SLC25A23: variants seen among roughly 807,000 people sequenced by gnomAD.
SLC25A23 encodes the protein solute carrier family 25 member 23, also known as mitochondrial adenyl nucleotide antiporter SLC25A23.
In SLC25A23, 32 loss-of-function variants were observed where a neutral mutation model predicts 53.9. The ratio of observed to expected loss-of-function variants is 0.59; its 90% CI spans 0.45 to 0.80. The LOEUF is 0.80. Among genes scored for constraint, SLC25A23 ranks in the 30% least tolerant of loss-of-function variants. The probability of loss-of-function intolerance (pLI) is 0.00; values close to 1 mark genes in which losing one functional copy is unlikely to be tolerated. For synonymous variants in SLC25A23, 275 were observed against 264.5 expected (o/e 1.04, Z -0.38); for missense variants, 575 against 651.4 (o/e 0.88, Z 1.28).
At chr19:6,448,227 C>T (rs1483718266) in intron 8 of SLC25A23, among the ~76,000 whole-genome samples, 2 of 152,130 alleles carry the variant, frequency 1.3e-5, no homozygotes, top group African/African-American at 2.4e-5. Context: ...GAAATTGCTG[C>T]CTGAAACTGG....
At chr19:6,445,627 A>G (rs1376010788) in intron 8 of SLC25A23, among the ~76,000 whole-genome samples, 1 of 152,178 alleles carries the variant, frequency 6.6e-6, no homozygotes, top group African/African-American at 2.4e-5. Flanking sequence ...GATTTTATAA[A>G]GCCCAGTAAG....
Position 6,459,610 on chromosome 19 carries a change from C to G in SLC25A23, c.19G>C (p.Asp7His), listed in dbSNP as rs2092733400. 10 of 1,524,708 alleles carry G rather than the reference C, an allele frequency of 6.6e-6. No individual in the cohort carries two copies. Among genetic ancestry groups the G allele is most frequent in the Non-Finnish European group, 8.8e-6 (10 of 1,142,272 alleles). The allele number at this position is 1,524,708 out of a possible 1,614,324, so 94.4% of individuals were successfully genotyped here. A position where few individuals can be genotyped will look rare whatever the true frequency, so the allele number is the denominator to read the frequency against. MRGSPG[D>H]AERRQRWGRL... ...CCCCAGCGCTGCCGCCGCTCCGCGT[C>G]GCCCGGGCTCCCCCGCATGGCGCCC... The change falls in exon 1 of 10, where the codon GAC (aspartate) becomes CAC (histidine). Residue 7 changes from aspartate to histidine, a missense_variant. Coordinates refer to ENST00000301454, the MANE Select transcript of SLC25A23 (RefSeq NM_024103.3). This position sits in a 1 kb window ranked among gnomAD's most constrained non-coding sequence, Gnocchi z 4.6.
rs899600613 is a variant in SLC25A23 at position 6,458,090 on chromosome 19, C to T, written c.283+108G>A. ...TAGCCTATGAGTCATCGGGGAGAAG[C>T]GGCCCTCCCCCTCTCCTCCTAGCGC... On this transcript the variant is annotated intron_variant, in intron 2 of 9. Coordinates refer to ENST00000301454, the MANE Select transcript of SLC25A23 (RefSeq NM_024103.3). 10 of 1,378,536 alleles carry T rather than the reference C, an allele frequency of 7.3e-6. No homozygotes were observed. The African/African-American group carries it at 8.6e-5, about 12-fold the overall frequency. 85.4% of individuals were successfully genotyped at this position (1,378,536 alleles called of 1,614,324 possible).
chr19:6,459,754 G>C lies in SLC25A23; in HGVS notation c.-126C>G. The C allele has an allele frequency of 1.3e-6, 1 of 790,900 alleles. No homozygotes were observed. The allele number at this position is 790,900 out of a possible 1,614,324, so 49.0% of individuals were successfully genotyped here. ...CGGCCGCCGGCTCCGCAGCCTCCGC[G>C]CAGTCCGCTCGGCTCTGGCACTTGC... On this transcript the variant is annotated 5_prime_UTR_variant, in exon 1 of 10. Coordinates refer to ENST00000301454, the MANE Select transcript of SLC25A23 (RefSeq NM_024103.3). This position sits in a 1 kb window ranked among gnomAD's most constrained non-coding sequence, Gnocchi z 4.6.
chr19:6,454,315 G>C lies in SLC25A23; in HGVS notation c.795+8C>G, dbSNP rs1296939499. 6.2e-7 allele frequency: 1 copy of C among 1,612,176 alleles called. No homozygotes were observed. Among genetic ancestry groups the C allele is most frequent in the Non-Finnish European group, 8.5e-7 (1 of 1,178,928 alleles). On this transcript the variant is annotated splice_region_variant and intron_variant, in intron 6 of 9. Transcript: ENST00000301454. This position sits in a 1 kb window ranked among gnomAD's most constrained non-coding sequence, Gnocchi z 4.3. ...GGCAAGCACATTCCTCCCTGTACCT[G>C]CCCTCACCTGTTCATAGGCCATGAA...
rs376917916 is a variant in SLC25A23 at position 6,456,549 on chromosome 19, G to A, written c.372-18C>T. 6 of 1,606,026 alleles carry A rather than the reference G, an allele frequency of 3.7e-6. No homozygotes were observed. The highest frequency in any genetic ancestry group is 2.2e-5 in the South Asian group (2 of 90,890). ...GGTCCATGCTGGGGGGAAGAAAGGGGGTGGAGGAGGACAGGTTCAGTGCCT... is the reference window on the plus strand; with the variant it reads ...GGTCCATGCTGGGGGGAAGAAAGGGAGTGGAGGAGGACAGGTTCAGTGCCT... On this transcript the variant is annotated intron_variant, in intron 3 of 9. Transcript: ENST00000301454.
At chr19:6,437,165 G>A (rs901980039), downstream of SLC25A23, among the ~76,000 whole-genome samples, 1 of 151,932 alleles carries the variant, frequency 6.6e-6, no homozygotes, top group Non-Finnish European at 1.5e-5. Flanking sequence ...ATGCCATCAT[G>A]CCCAGCTAAT....
chr19:6,458,341 G>A lies in SLC25A23; in HGVS notation c.157-17C>T. The A allele has an allele frequency of 6.2e-7, 1 of 1,609,566 alleles. No individual in the cohort carries two copies. The highest frequency in any genetic ancestry group is 8.5e-7 in the Non-Finnish European group (1 of 1,178,568). On this transcript the variant is annotated splice_polypyrimidine_tract_variant and intron_variant, in intron 1 of 9. Coordinates refer to ENST00000301454, the MANE Select transcript of SLC25A23 (RefSeq NM_024103.3). ...GGAGATACCCTGACAGAGGGAAAGG[G>A]GATAGAGGTGGCTCCAGGAACCTGC...
chr19:6,443,459 CT>C (rs1291506843), intron 9 of SLC25A23: 2 of 581,878 alleles, frequency 3.4e-6, no homozygotes, highest in Non-Finnish European at 6.1e-6. Flanking sequence ...AACTCCTGGA[CT>C]CAAATGATCC....
chr19:6,453,972 C>T lies in SLC25A23; in HGVS notation c.903+9G>A. 6.2e-7 allele frequency: 1 copy of T among 1,607,838 alleles called. No individual in the cohort carries two copies. The highest frequency in any genetic ancestry group is 1.7e-4 in the Middle Eastern group (1 of 6,040). On this transcript the variant is annotated intron_variant, in intron 7 of 9. Transcript: ENST00000301454. Reference sequence around the variant, plus strand: ...CCATGGGGCCTCCGCTGGGGTCCCTCCTTCTCACCTCCATAGGGTAAATGA... The same window carrying T: ...CCATGGGGCCTCCGCTGGGGTCCCTTCTTCTCACCTCCATAGGGTAAATGA...
Position 6,457,581 on chromosome 19 carries a change from T to G in SLC25A23, c.293A>C (p.Asp98Ala). The G allele has an allele frequency of 6.2e-7, 1 of 1,613,776 alleles. No homozygotes were observed. Among genetic ancestry groups the G allele is most frequent in the Non-Finnish European group, 8.5e-7 (1 of 1,179,964 alleles). Residue 98 changes from aspartate to alanine, a missense_variant, in exon 3 of 10, where the codon GAT becomes GCT. Asp to Ala is a moderately radical substitution (Grantham distance 126, BLOSUM62 -2). Coordinates refer to ENST00000301454, the MANE Select transcript of SLC25A23 (RefSeq NM_024103.3). ...SLDRNQDGHIDVSEIQQSFRA... is the reference protein window; with the variant it reads ...SLDRNQDGHIAVSEIQQSFRA... Reference sequence around the variant, plus strand: ...GAAACTCTGTTGGATCTCAGAGACATCAATGTGACCTGGGGAGGGGGCCGG... The same window carrying G: ...GAAACTCTGTTGGATCTCAGAGACAGCAATGTGACCTGGGGAGGGGGCCGG...
intron 2 of SLC25A23, among the ~76,000 whole-genome samples, 159 bp from the exon 3 acceptor site, chr19:6,457,749 CT>C (rs2092701449): frequency 6.6e-6 from 1 of 151,854 alleles, no homozygotes; most frequent in South Asian, 2.1e-4. Context: ...GGGGGGACCC[CT>C]GACTCACTGG....
chr19:6,459,412 G>A lies in SLC25A23; in HGVS notation c.156+61C>T, dbSNP rs889029879. ...GTGGCTCCGGCCGCCCAGTTCAGGG[G>A]CTTGGGTAACCGGGAGCGGGCGGGG... On this transcript the variant is annotated intron_variant, in intron 1 of 9. Coordinates refer to ENST00000301454, the MANE Select transcript of SLC25A23 (RefSeq NM_024103.3). The surrounding 1 kb of genome is among the most constrained non-coding windows in gnomAD (Gnocchi z 4.6). The A allele has an allele frequency of 5.1e-5, 75 of 1,460,258 alleles. No homozygotes were observed. Among genetic ancestry groups the A allele is most frequent in the Non-Finnish European group, 6.8e-5 (75 of 1,098,122 alleles). The allele number at this position is 1,460,258 out of a possible 1,614,324, so 90.5% of individuals were successfully genotyped here.
chr19:6,448,409 T>C (rs2092537703), intron 8 of SLC25A23, among the ~76,000 whole-genome samples: 1 of 152,066 alleles, frequency 6.6e-6, no homozygotes, highest in Admixed American at 6.6e-5. Context: ...ATTATTAAGA[T>C]CAATCTGTTG....
At chr19:6,437,784 A>G (rs1473883573), downstream of SLC25A23, among the ~76,000 whole-genome samples, 3 of 145,600 alleles carry the variant, frequency 2.1e-5, no homozygotes, top group South Asian at 2.2e-4. Flanking sequence ...ACTCCAGCCT[A>G]GGCGACAGAG....
chr19:6,444,087 T>C, intron 9 of SLC25A23, 64 bp downstream of exon 9: 2 of 1,454,836 alleles, frequency 1.4e-6, no homozygotes, highest in Non-Finnish European at 1.8e-6. Flanking sequence ...AGGGCTCTAC[T>C]TGGGAGAAGC....
chr19:6,454,187 G>T lies in SLC25A23; in HGVS notation c.796-99C>A. 1 of 1,508,942 alleles carries T rather than the reference G, an allele frequency of 6.6e-7. No homozygotes were observed. Among genetic ancestry groups the T allele is most frequent in the Non-Finnish European group, 9.0e-7 (1 of 1,111,238 alleles). The allele number at this position is 1,508,942 out of a possible 1,614,324, so 93.5% of individuals were successfully genotyped here. On this transcript the variant is annotated intron_variant, in intron 6 of 9. Coordinates refer to ENST00000301454, the MANE Select transcript of SLC25A23 (RefSeq NM_024103.3). The surrounding 1 kb of genome is among the most constrained non-coding windows in gnomAD (Gnocchi z 4.3). ...CTTCCAAAGAACTGGCTTGCTGCAGGCATTCATGCAGAGGAGCAGATGCCT... is the reference window on the plus strand; with the variant it reads ...CTTCCAAAGAACTGGCTTGCTGCAGTCATTCATGCAGAGGAGCAGATGCCT...
At chr19:6,443,548 C>T (rs1305458644) in intron 9 of SLC25A23, 1 of 701,866 alleles carries the variant, frequency 1.4e-6, no homozygotes, top group Admixed American at 2.0e-5. Flanking sequence ...CTTTATACAA[C>T]CCTAAATCAA....
downstream of SLC25A23, chr19:6,438,518 G>C (rs1246589411): frequency 6.5e-6 from 1 of 153,080 alleles, no homozygotes; most frequent in African/African-American, 2.4e-5. Flanking sequence ...GATGAGCCTG[G>C]GCAACATGAT....
Sources: allele counts gnomAD v4.1 joint callset (sites outside exome capture counted in the v4.1 genomes callset), GRCh38; gene constraint gnomAD v4.1.1; non-coding constraint Gnocchi (gnomAD v3.1); transcripts MANE v1.5; gene names NCBI Gene and HGNC (gene_info 2026-07-23, HGNC 2026-07-21).